The following NKAIN3 variants were observed in gnomAD, a reference collection of about 807,000 sequenced individuals.
The protein encoded by NKAIN3 is sodium/potassium-transporting ATPase subunit beta-1-interacting protein 3.
A neutral mutation model predicts 30.2 loss-of-function variants in NKAIN3; 25 were observed. The ratio of observed to expected loss-of-function variants is 0.83; its 90% confidence interval spans 0.60 to 1.16. The LOEUF (loss-of-function observed/expected upper bound fraction) is 1.16. Among genes scored for constraint, NKAIN3 ranks in the 50% most tolerant of loss-of-function variants. The pLI, the probability that NKAIN3 is intolerant of heterozygous loss-of-function variation, is 0.00. For missense variants in NKAIN3, 225 were observed against 254.1 expected (o/e 0.89, Z 0.78); for synonymous variants, 91 against 89.6 (o/e 1.02, Z -0.09).
At position 62,579,598 on chromosome 8, in the gene NKAIN3, T is replaced by C; in HGVS notation, c.114T>C (p.Leu38=). The change falls in exon 2 of 7, where the codon CTT becomes CTC. Residue 38 remains leucine, a synonymous_variant. Coordinates refer to ENST00000623646, the MANE Select transcript of NKAIN3 (RefSeq NM_001304533.3). The part of the protein sequence containing the change: ...DFLGFQWAPI[L]GNFLHIIVVI... The stretch of plus-strand genomic sequence containing the variant: ...TTGGTTTCCAGTGGGCGCCTATTCT[T>C]GGAAATTTTCTACACATAATAGTTG... The C allele has an allele frequency of 6.2e-7, 1 of 1,611,298 alleles. No individual in the cohort carries two copies. Among genetic ancestry groups the C allele is most frequent in the Non-Finnish European group, 8.5e-7 (1 of 1,177,990 alleles).
intron 5 of NKAIN3, among the ~76,000 whole-genome samples, chr8:62,992,467 C>T (rs563897789): frequency 6.6e-6 from 1 of 152,052 alleles, no homozygotes; most frequent in East Asian, 1.9e-4. Context: ...GGCCTGAGTT[C>T]TCTTGCCTTT....
At chr8:62,922,062 T>C (rs1378521) in intron 5 of NKAIN3, among the ~76,000 whole-genome samples, 80,802 of 151,972 alleles carry the variant, frequency 0.53, 21,834 homozygotes, top group East Asian at 0.71. Context: ...GACAAAAGTA[T>C]ATTGAAAACC....
At chr8:62,740,325 T>C (rs1359813496) in intron 3 of NKAIN3, among the ~76,000 whole-genome samples, 1 of 152,186 alleles carries the variant, frequency 6.6e-6, no homozygotes, top group Non-Finnish European at 1.5e-5. Context: ...TAAGTATATA[T>C]GGGCTTCTCT....
chr8:62,263,312 G>T (rs1812502119), intron 1 of NKAIN3, among the ~76,000 whole-genome samples: 1 of 151,994 alleles, frequency 6.6e-6, no homozygotes, highest in Admixed American at 6.6e-5. Flanking sequence ...AAACAGAAAT[G>T]TACTTCTTTA....
intron 1 of NKAIN3, among the ~76,000 whole-genome samples, chr8:62,410,787 A>C (rs1183169491): frequency 6.6e-6 from 1 of 152,182 alleles, no homozygotes; most frequent in African/African-American, 2.4e-5. Context: ...TCCTGAAAAC[A>C]CATAATGTCC....
In NKAIN3 at chr8:62,792,708, T is replaced by C. The variant is rs80276854; in HGVS notation, c.471+45579T>C. On this transcript the variant is annotated intron_variant, in intron 4 of 6. Coordinates refer to ENST00000623646, the MANE Select transcript of NKAIN3 (RefSeq NM_001304533.3). The stretch of plus-strand genomic sequence containing the variant: ...GGGATCTGGTGAAATGTGGGAACAT[T>C]TCACAGATAAGCTGACACATGAATA... Among the ~76,000 whole-genome samples the C allele has an allele frequency of 4.6e-5, 7 of 152,152 alleles. No homozygotes were observed. In the East Asian group the frequency reaches 1.4e-3, roughly 29 times the overall value.
chr8:62,261,472 A>G (rs1281419668), intron 1 of NKAIN3, among the ~76,000 whole-genome samples: 1 of 152,188 alleles, frequency 6.6e-6, no homozygotes, highest in Non-Finnish European at 1.5e-5. Context: ...TTTCTGCTTA[A>G]TGAGTGTTGA....
chr8:62,578,148 A>T (rs185070891), intron 1 of NKAIN3, among the ~76,000 whole-genome samples: 408 of 152,214 alleles, frequency 2.7e-3, no homozygotes, highest in African/African-American at 8.4e-3. Flanking sequence ...GAAAAGTATA[A>T]TGATTTGTGT....
intron 3 of NKAIN3, among the ~76,000 whole-genome samples, chr8:62,624,399 T>G (rs1811725971): frequency 6.6e-6 from 1 of 151,960 alleles, no homozygotes; most frequent in South Asian, 2.1e-4. Context: ...TTTTTCTCTC[T>G]CAACACTTTA....
intron 4 of NKAIN3, among the ~76,000 whole-genome samples, chr8:62,827,110 T>C (rs369964412): frequency 1.1e-4 from 16 of 152,304 alleles, no homozygotes; most frequent in African/African-American, 3.8e-4. Flanking sequence ...AAAAGGCTGG[T>C]ATCAATAAAG....
At chr8:62,414,862 A>G (rs185643961) in intron 1 of NKAIN3, among the ~76,000 whole-genome samples, 194 of 151,644 alleles carry the variant, frequency 1.3e-3, no homozygotes, top group African/African-American at 4.6e-3. Context: ...TATCAGAGTG[A>G]AAATTCAGAG....
chr8:62,535,216 G>T (rs2129861339), intron 1 of NKAIN3, among the ~76,000 whole-genome samples: 1 of 152,260 alleles, frequency 6.6e-6, no homozygotes, highest in Non-Finnish European at 1.5e-5. Flanking sequence ...TGCTGTTTCA[G>T]TTATGCTCAT....
At chr8:62,830,189 T>A (rs1375617066) in intron 4 of NKAIN3, among the ~76,000 whole-genome samples, 1 of 152,198 alleles carries the variant, frequency 6.6e-6, no homozygotes, top group Non-Finnish European at 1.5e-5. Flanking sequence ...AAACCTATAT[T>A]TTCTGGTTTT....
intron 1 of NKAIN3, among the ~76,000 whole-genome samples, chr8:62,364,908 A>C (rs1018158920): frequency 1.3e-5 from 2 of 151,052 alleles, no homozygotes; most frequent in African/African-American, 4.9e-5. Context: ...GCCTCAATCA[A>C]TTAAAATATA....
At chr8:62,337,243 T>C (rs530935203) in intron 1 of NKAIN3, among the ~76,000 whole-genome samples, 2 of 152,070 alleles carry the variant, frequency 1.3e-5, no homozygotes, top group Non-Finnish European at 2.9e-5. Context: ...CATAGATCCC[T>C]TCCTCCCATA....
chr8:62,347,787 A>G (rs1816048921), intron 1 of NKAIN3, among the ~76,000 whole-genome samples: 1 of 152,104 alleles, frequency 6.6e-6, no homozygotes, highest in Non-Finnish European at 1.5e-5. Flanking sequence ...TGGAGTAGAT[A>G]AGTATGAGGT....
intron 6 of NKAIN3, among the ~76,000 whole-genome samples, chr8:62,958,728 T>C (rs562377648): frequency 2.0e-5 from 3 of 152,346 alleles, no homozygotes; most frequent in Admixed American, 6.5e-5. Context: ...AAATTGAAGT[T>C]TGTCAAAATC....
At chr8:62,314,850 T>C (rs907524129) in intron 1 of NKAIN3, among the ~76,000 whole-genome samples, 1 of 152,178 alleles carries the variant, frequency 6.6e-6, no homozygotes, top group East Asian at 1.9e-4. Flanking sequence ...TATTATATGA[T>C]GGGTATCTAT....
At chr8:62,804,056 T>A (rs967729137) in intron 4 of NKAIN3, among the ~76,000 whole-genome samples, 60 of 152,160 alleles carry the variant, frequency 3.9e-4, no homozygotes, top group Non-Finnish European at 6.9e-4. Context: ...CTCCCAAGAT[T>A]AACCAGGAAG....
Sources: allele counts gnomAD v4.1 joint callset (sites outside exome capture counted in the v4.1 genomes callset), GRCh38; gene constraint gnomAD v4.1.1; transcripts MANE v1.5; gene names NCBI Gene and HGNC (gene_info 2026-07-23, HGNC 2026-07-21).